KCNAB1: variants seen among roughly 807,000 people sequenced by gnomAD.
KCNAB1 encodes potassium voltage-gated channel subfamily A regulatory beta subunit 1.
Under a neutral mutation model 64.6 loss-of-function variants are expected in KCNAB1, and 35 were observed. That is an observed-to-expected ratio of 0.54 (90% CI 0.41 to 0.72). KCNAB1 has a LOEUF of 0.72. Ranked by LOEUF, KCNAB1 falls within the 30% of genes least tolerant of loss-of-function variation. The pLI is 0.00. For synonymous variants in KCNAB1, 177 were observed against 183.8 expected, an observed-to-expected ratio of 0.96 and a Z score of 0.30; for missense variants, 401 against 512.9, an observed-to-expected ratio of 0.78 and a Z score of 2.11.
chr3:156,306,753 C>G (rs891727227), intron 1 of KCNAB1, among the ~76,000 whole-genome samples: 1 of 152,198 alleles, frequency 6.6e-6, no homozygotes, highest in African/African-American at 2.4e-5. Context: ...AGACTGGATC[C>G]CCAGCTAGGG....
chr3:156,336,359 A>AAAAC (rs148137640), intron 1 of KCNAB1, among the ~76,000 whole-genome samples: 34 of 151,942 alleles, frequency 2.2e-4, no homozygotes, highest in East Asian at 1.5e-3. Flanking sequence ...GAGACTCTGT[A>AAAAC]AAACAAACAA....
intron 1 of KCNAB1, among the ~76,000 whole-genome samples, chr3:156,185,523 T>G (rs1713130866): frequency 6.6e-6 from 1 of 152,230 alleles, no homozygotes; most frequent in African/African-American, 2.4e-5. Context: ...ATGGAAGATT[T>G]CATAAGGAAA....
chr3:156,457,541 G>A lies in KCNAB1; in HGVS notation c.437+9G>A. Reference sequence around the variant, plus strand: ...GTCTATGCTGCTGGAAAGTAAGTCAGTACCTGTTTGTGTCACTCAAATGGC... The same window carrying A: ...GTCTATGCTGCTGGAAAGTAAGTCAATACCTGTTTGTGTCACTCAAATGGC... On this transcript the variant is annotated intron_variant, in intron 4 of 13. Coordinates refer to ENST00000490337, the MANE Select transcript of KCNAB1 (RefSeq NM_172160.3). 6.2e-7 allele frequency: 1 copy of A among 1,610,634 alleles called. No individual in the cohort carries two copies. The highest frequency in any genetic ancestry group is 1.3e-5 in the African/African-American group (1 of 74,942).
chr3:156,493,876 A>G (rs1205047915), intron 8 of KCNAB1, among the ~76,000 whole-genome samples: 1 of 152,150 alleles, frequency 6.6e-6, no homozygotes, highest in East Asian at 1.9e-4. Context: ...TTCCCAATAC[A>G]TCATGCTAGA....
chr3:156,363,771 T>C (rs1725770775), intron 1 of KCNAB1, among the ~76,000 whole-genome samples: 1 of 152,202 alleles, frequency 6.6e-6, no homozygotes, highest in Non-Finnish European at 1.5e-5. Context: ...CCACCGCACC[T>C]GGCCTCAGCA....
At chr3:156,463,457 C>T (rs73873389) in intron 5 of KCNAB1, among the ~76,000 whole-genome samples, 10,542 of 152,190 alleles carry the variant, frequency 0.069, 407 homozygotes, top group African/African-American at 0.11. Flanking sequence ...CACTGCCCTC[C>T]ACCTCCTCCA....
intron 7 of KCNAB1, among the ~76,000 whole-genome samples, chr3:156,468,600 A>G (rs1482725424): frequency 2.0e-5 from 3 of 152,308 alleles, no homozygotes; most frequent in Admixed American, 1.3e-4. Context: ...AAAGGTTACT[A>G]TATGGGGATA....
At chr3:156,124,451 A>C (rs1713532197) in intron 1 of KCNAB1, among the ~76,000 whole-genome samples, 1 of 151,922 alleles carries the variant, frequency 6.6e-6, no homozygotes, top group Non-Finnish European at 1.5e-5. Flanking sequence ...TCCTGACCTC[A>C]AGTGATCCGC....
At chr3:156,330,605 G>A (rs1025344318) in intron 1 of KCNAB1, among the ~76,000 whole-genome samples, 1 of 152,152 alleles carries the variant, frequency 6.6e-6, no homozygotes, top group African/African-American at 2.4e-5. Context: ...GGACAGCTCA[G>A]CAATTCTGTT....
At chr3:156,422,935 C>T (rs1027763883) in intron 2 of KCNAB1, among the ~76,000 whole-genome samples, 5 of 152,146 alleles carry the variant, frequency 3.3e-5, no homozygotes, top group Admixed American at 2.0e-4. Context: ...GTGAGCATTT[C>T]GAGGAGGATG....
chr3:156,166,133 C>T (rs528413064), intron 1 of KCNAB1, among the ~76,000 whole-genome samples: 1 of 152,232 alleles, frequency 6.6e-6, no homozygotes, highest in East Asian at 1.9e-4. Flanking sequence ...AAGTAATATG[C>T]CACGATACAC....
At chr3:156,146,941 CTTGTTTGTATT>C (rs1474205688) in intron 1 of KCNAB1, among the ~76,000 whole-genome samples, 3 of 152,114 alleles carry the variant, frequency 2.0e-5, no homozygotes, top group Non-Finnish European at 2.9e-5. Flanking sequence ...TATGTATTTA[CTTGTTTGTATT>C]TATTTATTTT....
At position 156,459,103 on chromosome 3, in the gene KCNAB1, C is replaced by T. The variant is rs1172297235; in HGVS notation, c.438-724C>T. Among the ~76,000 whole-genome samples, 4 of 152,332 alleles carry T rather than the reference C, an allele frequency of 2.6e-5. No homozygotes were observed. In the East Asian group the frequency reaches 7.7e-4, roughly 29 times the overall value. On this transcript the variant is annotated intron_variant, in intron 4 of 13. Coordinates refer to ENST00000490337, the MANE Select transcript of KCNAB1 (RefSeq NM_172160.3). ...GTGCTAATTCCACTGATCTCCCATT[C>T]ACTAAGCCTCTGAGACCCCAGCTGC... is the stretch of plus-strand genomic sequence containing the variant.
intron 1 of KCNAB1, among the ~76,000 whole-genome samples, chr3:156,197,429 T>C (rs1168118976): frequency 6.6e-6 from 1 of 152,180 alleles, no homozygotes; most frequent in Non-Finnish European, 1.5e-5. Flanking sequence ...TGTGAATCCA[T>C]CTGGTCCTGG....
At chr3:156,123,211 C>G (rs1215506766) in intron 1 of KCNAB1, among the ~76,000 whole-genome samples, 1 of 152,170 alleles carries the variant, frequency 6.6e-6, no homozygotes, top group Admixed American at 6.5e-5. Context: ...TGAAGCATTA[C>G]TTACAAGACA....
intron 1 of KCNAB1, among the ~76,000 whole-genome samples, chr3:156,252,988 T>G (rs941766556): frequency 3.3e-5 from 5 of 152,200 alleles, no homozygotes; most frequent in Admixed American, 2.0e-4. Context: ...AAAATTAGGC[T>G]TAGAGAAAAG....
rs1325121506 is a variant in KCNAB1, at chr3:156,182,601, C to T, written c.275+61715C>T. ...TCAATTTAGCCTTCTTTATATTCTA[C>T]TCCTTCTTTCCAGGGTTGGTTTTTT... On this transcript the variant is annotated intron_variant, in intron 1 of 13. Coordinates refer to ENST00000490337, the MANE Select transcript of KCNAB1 (RefSeq NM_172160.3). Among the ~76,000 whole-genome samples, 6 of 134,914 alleles carry T rather than the reference C, an allele frequency of 4.4e-5. No individual in the cohort carries two copies. The East Asian group carries it at 1.5e-3, about 33-fold the overall frequency. 88.5% of individuals were successfully genotyped at this position (134,914 alleles called of 152,430 possible).
chr3:156,378,296 G>T (rs1476542720), intron 1 of KCNAB1, among the ~76,000 whole-genome samples: 1 of 152,086 alleles, frequency 6.6e-6, no homozygotes, highest in Non-Finnish European at 1.5e-5. Flanking sequence ...AAAGGGTGGA[G>T]GAGGTAGGAT....
At chr3:156,532,858 T>G (rs928017890) in intron 13 of KCNAB1, among the ~76,000 whole-genome samples, 1 of 152,196 alleles carries the variant, frequency 6.6e-6, no homozygotes, top group Admixed American at 6.5e-5. Context: ...AGAACTGAAA[T>G]TCAATCCAAT....
Sources: gnomAD v4.1 joint callset for allele counts (sites outside exome capture counted in the v4.1 genomes callset) on GRCh38, gnomAD v4.1.1 for gene constraint, MANE v1.5 for transcripts, NCBI Gene and HGNC (gene_info 2026-07-23, HGNC 2026-07-21) for gene names.